XIRP2: variants seen among roughly 807,000 people sequenced by gnomAD.
The protein encoded by XIRP2 is xin actin-binding repeat-containing protein 2.
A neutral mutation model predicts 277.0 loss-of-function variants in XIRP2; 236 were observed. That is an observed-to-expected ratio of 0.85 (90% CI 0.77 to 0.95). The LOEUF is 0.95. Among genes scored for constraint, XIRP2 ranks in the 40% least tolerant of loss-of-function variants. XIRP2 has a pLI of 0.00. For missense variants in XIRP2, 4,640 were observed against 4,157.5 expected (o/e 1.12, Z -3.19); for synonymous variants, 1,490 against 1,416.5 (o/e 1.05, Z -1.17).
chr2:167,193,792 C>T (rs916634680), intron 3 of XIRP2, among the ~76,000 whole-genome samples: 1 of 148,982 alleles, frequency 6.7e-6, no homozygotes, highest in African/African-American at 2.5e-5. Context: ...GCAGGAGAAT[C>T]ACTTGAACTG....
Position 167,210,728 on chromosome 2 carries a change from C to T in XIRP2, c.563-7C>T. ...CACATGTGTAAGCATGCTCTGTTTGCTTTCAGCGACTGCTGGCCCTAATAA... is the reference window on the plus strand; with the variant it reads ...CACATGTGTAAGCATGCTCTGTTTGTTTTCAGCGACTGCTGGCCCTAATAA... On this transcript the variant is annotated splice_polypyrimidine_tract_variant and splice_region_variant and intron_variant, in intron 3 of 10. Coordinates refer to ENST00000409195, the MANE Select transcript of XIRP2 (RefSeq NM_152381.6). 1 of 1,613,990 alleles carries T rather than the reference C, an allele frequency of 6.2e-7. No homozygotes were observed. Among genetic ancestry groups the T allele is most frequent in the Non-Finnish European group, 8.5e-7 (1 of 1,179,880 alleles).
chr2:166,965,039 G>A (rs1031267800), intron 2 of XIRP2, among the ~76,000 whole-genome samples: 1 of 151,844 alleles, frequency 6.6e-6, no homozygotes, highest in African/African-American at 2.4e-5. Flanking sequence ...CCACCACAGG[G>A]AGAAAGCAAG....
rs771805164 is a variant in XIRP2, at chr2:167,249,019, C to T, written c.7627C>T (p.Pro2543Ser). 5.0e-6 allele frequency: 8 copies of T among 1,611,440 alleles called. No homozygotes were observed. The Admixed American group carries it at 1.2e-4, about 24-fold the overall frequency. Reference protein sequence around the residue: ...PKPYMRKFKTPLMIAEEKYRQ... With the variant: ...PKPYMRKFKTSLMIAEEKYRQ... ...ACCTTATATGAGAAAATTTAAGACA[C>T]CTTTAATGATTGCTGAAGAAAAATA... is the stretch of plus-strand genomic sequence containing the variant. The change falls in exon 9 of 11, where the codon CCT (proline) becomes TCT (serine). Residue 2543 changes from proline to serine, a missense_variant. Physicochemically the swap from Pro to Ser is moderately conservative, Grantham distance 74. Coordinates refer to ENST00000409195, the MANE Select transcript of XIRP2 (RefSeq NM_152381.6).
intron 2 of XIRP2, among the ~76,000 whole-genome samples, chr2:166,961,889 G>A (rs73973536): frequency 0.047 from 7,130 of 151,608 alleles, 207 homozygotes; most frequent in East Asian, 0.079. Flanking sequence ...AAGCTACTTT[G>A]AAAATATTGA....
At chr2:166,911,710 G>A (rs898054588) in intron 2 of XIRP2, among the ~76,000 whole-genome samples, 1 of 152,130 alleles carries the variant, frequency 6.6e-6, no homozygotes, top group Non-Finnish European at 1.5e-5. Context: ...AGTATTGATG[G>A]TCTTAATAAT....
intron 2 of XIRP2, among the ~76,000 whole-genome samples, chr2:167,084,673 A>G (rs1054626325): frequency 7.3e-5 from 11 of 151,656 alleles, no homozygotes; most frequent in Non-Finnish European, 1.0e-4. Flanking sequence ...GTCTTGGGAG[A>G]GTGTATGTGT....
chr2:167,059,101 CTTTTTTTTTTTT>C (rs572437575), intron 2 of XIRP2, among the ~76,000 whole-genome samples: 132 of 95,954 alleles, frequency 1.4e-3, no homozygotes, highest in African/African-American at 6.0e-3. Flanking sequence ...TTTTTTTTCT[CTTTTTTTTTTTT>C]TTTTTTTTTT....
intron 2 of XIRP2, among the ~76,000 whole-genome samples, chr2:166,972,482 C>T (rs1461231981): frequency 6.6e-6 from 1 of 152,084 alleles, no homozygotes; most frequent in African/African-American, 2.4e-5. Flanking sequence ...ATTACCTTCC[C>T]AGCTCTGATG....
chr2:167,117,327 G>GCA (rs1402227113), intron 2 of XIRP2, among the ~76,000 whole-genome samples: 1 of 151,932 alleles, frequency 6.6e-6, no homozygotes, highest in East Asian at 1.9e-4. Flanking sequence ...CACATACAGT[G>GCA]CACACACACA....
At chr2:167,075,137 C>T (rs914389055) in intron 2 of XIRP2, among the ~76,000 whole-genome samples, 5 of 152,138 alleles carry the variant, frequency 3.3e-5, no homozygotes, top group African/African-American at 1.2e-4. Flanking sequence ...GTATCCCTAG[C>T]ACCTAGAACA....
intron 2 of XIRP2, among the ~76,000 whole-genome samples, chr2:166,938,021 T>G (rs1193160936): frequency 6.6e-6 from 1 of 152,210 alleles, no homozygotes; most frequent in African/African-American, 2.4e-5. Context: ...GTCTATCAAT[T>G]TTGTTGATCT....
At chr2:167,175,299 T>C (rs1019715756) in intron 3 of XIRP2, among the ~76,000 whole-genome samples, 18 of 152,176 alleles carry the variant, frequency 1.2e-4, no homozygotes, top group African/African-American at 4.3e-4. Flanking sequence ...TCTTGTTGAA[T>C]TGATCCCTTT....
chr2:166,900,392 G>A (rs920891943), intron 1 of XIRP2, among the ~76,000 whole-genome samples: 7 of 151,700 alleles, frequency 4.6e-5, no homozygotes, highest in Non-Finnish European at 8.8e-5. Context: ...TTTTAAGCAT[G>A]TTTGTGATTC....
intron 3 of XIRP2, among the ~76,000 whole-genome samples, chr2:167,163,263 G>C (rs1692422708): frequency 6.6e-6 from 1 of 152,086 alleles, no homozygotes. Flanking sequence ...ATAGTGTTTT[G>C]ACCATTTTAC....
chr2:166,996,673 TC>T (rs1687229796), intron 2 of XIRP2, among the ~76,000 whole-genome samples: 1 of 152,154 alleles, frequency 6.6e-6, no homozygotes, highest in Non-Finnish European at 1.5e-5. Context: ...TGGCATTTTT[TC>T]AGTATGTTTC....
intron 2 of XIRP2, among the ~76,000 whole-genome samples, chr2:167,090,742 T>C (rs1194781414): frequency 6.6e-6 from 1 of 151,978 alleles, no homozygotes; most frequent in Non-Finnish European, 1.5e-5. Flanking sequence ...TGTCCTGGCT[T>C]TATAACAACC....
intron 2 of XIRP2, among the ~76,000 whole-genome samples, chr2:166,918,015 A>T (rs961115657): frequency 6.6e-6 from 1 of 152,116 alleles, no homozygotes; most frequent in African/African-American, 2.4e-5. Context: ...AGCTTATCTG[A>T]TGTTTTTTCA....
At chr2:167,079,840 C>T (rs1459360445) in intron 2 of XIRP2, among the ~76,000 whole-genome samples, 2 of 151,930 alleles carry the variant, frequency 1.3e-5, no homozygotes, top group Non-Finnish European at 2.9e-5. Flanking sequence ...TCATTCCATT[C>T]TGCTCTGATT....
chr2:167,246,974 A>T lies in XIRP2; in HGVS notation c.5582A>T (p.Glu1861Val). 1.9e-6 allele frequency: 3 copies of T among 1,613,638 alleles called. No individual in the cohort carries two copies. Among genetic ancestry groups the T allele is most frequent in the Non-Finnish European group, 2.5e-6 (3 of 1,179,754 alleles). Residue 1861 changes from glutamate to valine, a missense_variant, in exon 9 of 11, where the codon GAA becomes GTA. Physicochemically the swap from Glu to Val is moderately radical, Grantham distance 121. Coordinates refer to ENST00000409195, the MANE Select transcript of XIRP2 (RefSeq NM_152381.6). ...AVNQKTVTKTEEIIKGNMLAT... is the reference protein window; with the variant it reads ...AVNQKTVTKTVEIIKGNMLAT... ...AATCAGAAAACAGTGACGAAAACAG[A>T]AGAAATTATAAAAGGTAACATGCTA...
Sources: gnomAD v4.1 joint callset for allele counts (sites outside exome capture counted in the v4.1 genomes callset) on GRCh38, gnomAD v4.1.1 for gene constraint, MANE v1.5 for transcripts, NCBI Gene and HGNC (gene_info 2026-07-23, HGNC 2026-07-21) for gene names.